The following HDAC9 variants were observed in gnomAD, a reference collection of about 807,000 sequenced individuals.
HDAC9 encodes the protein histone deacetylase 9, also known as MEF-2 interacting transcription repressor (MITR) protein.
Under a neutral mutation model 139.4 loss-of-function variants are expected in HDAC9, and 41 were observed. The ratio of observed to expected loss-of-function variants is 0.29; its 90% CI spans 0.23 to 0.38. The LOEUF (loss-of-function observed/expected upper bound fraction) is 0.38, where lower values mean the gene tolerates loss of function less well. HDAC9 is among the 10% of genes least tolerant of loss of function. HDAC9 has a pLI of 1.00. For synonymous variants in HDAC9, 517 were observed against 476.2 expected, an observed-to-expected ratio of 1.09 and a Z score of -1.12; for missense variants, 1,147 against 1,297.0, an observed-to-expected ratio of 0.88 and a Z score of 1.78.
intron 1 of HDAC9, among the ~76,000 whole-genome samples, chr7:18,295,264 A>C (rs1433899747): frequency 6.6e-6 from 1 of 152,104 alleles, no homozygotes; most frequent in African/African-American, 2.4e-5. Context: ...GAAAACAAGA[A>C]AGTTGTAGTT....
chr7:18,429,788 C>G (rs1000951038), intron 1 of HDAC9, among the ~76,000 whole-genome samples: 1 of 152,022 alleles, frequency 6.6e-6, no homozygotes, highest in Non-Finnish European at 1.5e-5. Context: ...AGATACACTT[C>G]CATTGAGTAG....
chr7:18,486,797 G>A (rs1796007244), intron 1 of HDAC9, among the ~76,000 whole-genome samples: 1 of 152,042 alleles, frequency 6.6e-6, no homozygotes. Context: ...TATTAGATTT[G>A]GGAAGGGTGG....
intron 8 of HDAC9, among the ~76,000 whole-genome samples, chr7:18,643,779 A>G (rs916367973): frequency 6.6e-6 from 1 of 152,042 alleles, no homozygotes; most frequent in Non-Finnish European, 1.5e-5. Context: ...TTTGGGAAGA[A>G]AGCAGCCACT....
chr7:18,969,218 T>G (rs1784094792), intron 24 of HDAC9, among the ~76,000 whole-genome samples: 1 of 151,522 alleles, frequency 6.6e-6, no homozygotes, highest in African/African-American at 2.4e-5. Context: ...ATTCAAGGAG[T>G]TCACAGAACT....
At chr7:18,599,509 C>G (rs948616127) in intron 6 of HDAC9, among the ~76,000 whole-genome samples, 2 of 152,088 alleles carry the variant, frequency 1.3e-5, no homozygotes, top group Admixed American at 1.3e-4. Flanking sequence ...TTTTTATTGT[C>G]TCTATAGTTT....
intron 6 of HDAC9, among the ~76,000 whole-genome samples, chr7:18,604,048 C>G (rs1385234084): frequency 6.6e-6 from 1 of 151,890 alleles, no homozygotes; most frequent in Non-Finnish European, 1.5e-5. Context: ...TTGAAGATCT[C>G]TTTATCTTTT....
At chr7:18,296,222 A>G (rs1798138712) in intron 1 of HDAC9, among the ~76,000 whole-genome samples, 1 of 152,186 alleles carries the variant, frequency 6.6e-6, no homozygotes, top group Admixed American at 6.5e-5. Flanking sequence ...CACCCAGTGC[A>G]TGTTAGACTT....
rs1585329499 is a variant in HDAC9 at position 18,355,014 on chromosome 7, A to G, written c.-42+64499A>G. Among the ~76,000 whole-genome samples the G allele has an allele frequency of 3.3e-5, 5 of 152,174 alleles. No homozygotes were observed. The South Asian group carries it at 8.3e-4, about 25-fold the overall frequency. On this transcript the variant is annotated intron_variant, in intron 1 of 3. Transcript: ENST00000413509. The stretch of plus-strand genomic sequence containing the variant: ...ATAAATTAATAATTACAGATCCTCA[A>G]TCTGCTTATTGTCAGTCATTTTTTC...
chr7:18,150,822 G>C (rs1584343078), intron 1 of HDAC9, among the ~76,000 whole-genome samples: 1 of 152,176 alleles, frequency 6.6e-6, no homozygotes, highest in Non-Finnish European at 1.5e-5. Flanking sequence ...AGTGTGTCAA[G>C]ATTTTTTCAC....
In HDAC9 at chr7:18,972,369, CTTTTTTTTT is replaced by C. The variant is rs199909134; in HGVS notation, c.3023-3416_3023-3408del. On this transcript the variant is annotated intron_variant, in intron 24 of 25. Coordinates refer to ENST00000686413, the MANE Select transcript of HDAC9 (RefSeq NM_178425.4). ...TTAGCTCAATTTTCGATGAACTTCT[CTTTTTTTTT>C]TTTTTTTTTTTTTTTTTTTTGAGAT... Among the ~76,000 whole-genome samples, 250 of 94,872 alleles carry C rather than the reference CTTTTTTTTT, an allele frequency of 2.6e-3. 1 individual carries two copies. The highest frequency in any genetic ancestry group is 8.8e-3 in the African/African-American group (230 of 26,140). 62.2% of individuals were successfully genotyped at this position (94,872 alleles called of 152,430 possible). A position where few individuals can be genotyped will look rare whatever the true frequency, so the allele number is the denominator to read the frequency against.
chr7:18,963,157 A>G (rs1783632324), intron 24 of HDAC9, among the ~76,000 whole-genome samples: 1 of 152,174 alleles, frequency 6.6e-6, no homozygotes. Context: ...CAAATAGGAG[A>G]GGGGAAAAAA....
At chr7:18,826,337 G>A (rs1047080190) in intron 17 of HDAC9, among the ~76,000 whole-genome samples, 3 of 152,130 alleles carry the variant, frequency 2.0e-5, no homozygotes, top group South Asian at 4.1e-4. Flanking sequence ...GCTACCACTT[G>A]AGCAGATTGT....
chr7:18,743,837 CT>C (rs1562905270), intron 13 of HDAC9, among the ~76,000 whole-genome samples: 2 of 151,738 alleles, frequency 1.3e-5, no homozygotes, highest in African/African-American at 4.8e-5. Context: ...AGACATGAAC[CT>C]TGTTTCAGAA....
rs373479706 is a variant in HDAC9 at position 18,132,001 on chromosome 7, T to G, written c.-96-30228T>G. On this transcript the variant is annotated intron_variant, in intron 1 of 12. Transcript: ENST00000417496. ...CAACAGATAGATTATGGAGAATCAC[T>G]GCTTGTTCTGTGGGCCAGGTGGTAA... Among the ~76,000 whole-genome samples the G allele has an allele frequency of 1.4e-4, 21 of 152,328 alleles. No homozygotes were observed. The East Asian group carries it at 3.3e-3, about 24-fold the overall frequency.
At chr7:18,393,039 G>C (rs865879037) in intron 1 of HDAC9, among the ~76,000 whole-genome samples, 1 of 151,614 alleles carries the variant, frequency 6.6e-6, no homozygotes, top group African/African-American at 2.4e-5. Flanking sequence ...AATGGGAATG[G>C]GCAGAACAGT....
At chr7:18,349,534 G>C (rs554319562) in intron 1 of HDAC9, among the ~76,000 whole-genome samples, 2 of 152,134 alleles carry the variant, frequency 1.3e-5, no homozygotes, top group East Asian at 3.9e-4. Flanking sequence ...CTAGCACATA[G>C]CAGGGATGCA....
chr7:18,419,982 G>A (rs1401689149), intron 1 of HDAC9, among the ~76,000 whole-genome samples: 1 of 152,156 alleles, frequency 6.6e-6, no homozygotes. Flanking sequence ...ACAGACTCAG[G>A]TACAGGCACT....
chr7:18,833,058 G>C (rs1466342871), intron 19 of HDAC9, among the ~76,000 whole-genome samples: 1 of 152,068 alleles, frequency 6.6e-6, no homozygotes, highest in Non-Finnish European at 1.5e-5. Context: ...ATATTCTTAA[G>C]GCTATACTGT....
At chr7:18,731,009 T>C (rs1785995155) in intron 13 of HDAC9, among the ~76,000 whole-genome samples, 1 of 152,108 alleles carries the variant, frequency 6.6e-6, no homozygotes, top group Non-Finnish European at 1.5e-5. Context: ...AATGGGCAGG[T>C]GACATAGAGA....
Sources: gnomAD v4.1 joint callset for allele counts (sites outside exome capture counted in the v4.1 genomes callset) on GRCh38, gnomAD v4.1.1 for gene constraint, MANE v1.5 for transcripts, NCBI Gene and HGNC (gene_info 2026-07-23, HGNC 2026-07-21) for gene names.